Variants in FIP1L1 observed in about 807,000 individuals in gnomAD.
FIP1L1 encodes factor interacting with PAPOLA and CPSF1.
FIP1L1 carries 21 observed loss-of-function variants against 84.6 expected under a neutral mutation model. The ratio of observed to expected loss-of-function variants is 0.25; its 90% CI spans 0.18 to 0.36. The LOEUF is 0.36. Among genes scored for constraint, FIP1L1 ranks in the 10% least tolerant of loss-of-function variants. The pLI is 1.00. For synonymous variants in FIP1L1, 263 were observed against 242.3 expected (o/e 1.09, Z -0.80); for missense variants, 526 against 751.1 (o/e 0.70, Z 3.50).
chr4:53,408,824 A>C (rs939393190), intron 10 of FIP1L1, among the ~76,000 whole-genome samples: 20 of 152,040 alleles, frequency 1.3e-4, no homozygotes, highest in Admixed American at 6.5e-5. Flanking sequence ...CGTAGTTCTC[A>C]AGCCTTGGTT....
Position 53,391,304 on chromosome 4 carries a change from G to A in FIP1L1, c.637-126G>A, listed in dbSNP as rs11133269. 4,248 of 1,157,290 alleles carry A rather than the reference G, an allele frequency of 3.7e-3. 49 individuals are homozygous for A. The highest frequency in any genetic ancestry group is 0.021 in the South Asian group (1,454 of 69,164). 71.7% of individuals were successfully genotyped at this position (1,157,290 alleles called of 1,614,324 possible). A position where few individuals can be genotyped will look rare whatever the true frequency, so the allele number is the denominator to read the frequency against. On this transcript the variant is annotated intron_variant, in intron 8 of 17. Transcript: ENST00000337488. ...TCCCTTCCCTCCCTTTTAGAGTTTCGTATTTAATGATTATCTGATGTTCTT... is the reference window on the plus strand; with the variant it reads ...TCCCTTCCCTCCCTTTTAGAGTTTCATATTTAATGATTATCTGATGTTCTT...
At chr4:53,427,320 T>C (rs1483836284) in intron 12 of FIP1L1, among the ~76,000 whole-genome samples, 2 of 152,210 alleles carry the variant, frequency 1.3e-5, no homozygotes, top group African/African-American at 2.4e-5. Context: ...GGGGAGCTTA[T>C]CAAAAATCCA....
chr4:53,434,276 T>C (rs1463326149), intron 13 of FIP1L1, among the ~76,000 whole-genome samples: 2 of 152,168 alleles, frequency 1.3e-5, no homozygotes, highest in East Asian at 3.8e-4. Context: ...TTTCCTAGAA[T>C]AATTTTAAAA....
chr4:53,418,885 A>G (rs1406804209), intron 11 of FIP1L1, among the ~76,000 whole-genome samples: 2 of 152,190 alleles, frequency 1.3e-5, no homozygotes, highest in Admixed American at 6.5e-5. Flanking sequence ...TCCTCTGACT[A>G]TCTCCTTTTA....
intron 15 of FIP1L1, among the ~76,000 whole-genome samples, chr4:53,446,988 A>G (rs1329458906): frequency 6.6e-6 from 1 of 152,104 alleles, no homozygotes; most frequent in Non-Finnish European, 1.5e-5. Context: ...AAGCCTCTTT[A>G]GTAATAACAA....
In FIP1L1 at chr4:53,460,424, C is replaced by CTT. The variant is rs534891716; in HGVS notation, c.*976_*977dup. The CTT allele has an allele frequency of 4.4e-4, 83 of 189,256 alleles. 1 individual carries two copies. Among genetic ancestry groups the CTT allele is most frequent in the Non-Finnish European group, 8.6e-4 (78 of 90,450 alleles). 11.7% of individuals were successfully genotyped at this position (189,256 alleles called of 1,614,324 possible). A position where few individuals can be genotyped will look rare whatever the true frequency, so the allele number is the denominator to read the frequency against. Reference sequence around the variant, plus strand: ...TAAATAGTGATAATACAAAAGTAATCTTAATTAGTATCACATACTAAAAGA... The same window carrying CTT: ...TAAATAGTGATAATACAAAAGTAATCTTTTAATTAGTATCACATACTAAAAGA... On this transcript the variant is annotated 3_prime_UTR_variant, in exon 18 of 18. Coordinates refer to ENST00000337488, the MANE Select transcript of FIP1L1 (RefSeq NM_030917.4).
intron 3 of FIP1L1, among the ~76,000 whole-genome samples, chr4:53,380,953 A>G (rs1031950450): frequency 6.6e-6 from 1 of 152,118 alleles, no homozygotes; most frequent in African/African-American, 2.4e-5. Flanking sequence ...TTTCTAATCA[A>G]ACATTCTTTA....
intron 11 of FIP1L1, among the ~76,000 whole-genome samples, chr4:53,417,655 A>AAAG (rs1760128430): frequency 1.3e-5 from 2 of 150,248 alleles, no homozygotes; most frequent in Non-Finnish European, 3.0e-5. Context: ...AAAAAAAAAA[A>AAAG]AAAAAAAAAA....
chr4:53,385,047 C>T (rs1740192044), intron 5 of FIP1L1, among the ~76,000 whole-genome samples: 1 of 151,966 alleles, frequency 6.6e-6, no homozygotes, highest in Admixed American at 6.6e-5. Flanking sequence ...ATCCTAGCAC[C>T]TTTTTAGGGA....
intron 10 of FIP1L1, among the ~76,000 whole-genome samples, chr4:53,403,056 T>G (rs1354944515): frequency 6.6e-6 from 1 of 152,186 alleles, no homozygotes; most frequent in Admixed American, 6.5e-5. Flanking sequence ...AAGGTAGCAT[T>G]GAGTGTTTGA....
At chr4:53,437,754 C>CT (rs1770075747) in intron 13 of FIP1L1, among the ~76,000 whole-genome samples, 1 of 151,852 alleles carries the variant, frequency 6.6e-6, no homozygotes, top group South Asian at 2.1e-4. Context: ...GAGATGGAGT[C>CT]TCGCTCTGTT....
At chr4:53,437,489 G>A (rs1410055878) in intron 13 of FIP1L1, among the ~76,000 whole-genome samples, 1 of 151,930 alleles carries the variant, frequency 6.6e-6, no homozygotes. Context: ...AAATTGCTCA[G>A]CAGTGAAATT....
At chr4:53,431,134 C>T (rs1319721349) in intron 13 of FIP1L1, among the ~76,000 whole-genome samples, 7 of 152,212 alleles carry the variant, frequency 4.6e-5, no homozygotes, top group African/African-American at 1.4e-4. Context: ...GTATCCATAA[C>T]ACCAAAGATG....
intron 10 of FIP1L1, among the ~76,000 whole-genome samples, chr4:53,408,999 A>G (rs566424128): frequency 7.9e-5 from 12 of 152,326 alleles, no homozygotes; most frequent in Non-Finnish European, 1.6e-4. Flanking sequence ...TCAACTCGTC[A>G]AAGGCATTCT....
chr4:53,441,734 A>G (rs531489596), intron 13 of FIP1L1, among the ~76,000 whole-genome samples: 63 of 152,092 alleles, frequency 4.1e-4, no homozygotes, highest in African/African-American at 1.4e-3. Flanking sequence ...GTGTTTTCAC[A>G]TAACTAGAAG....
At chr4:53,403,498 A>G (rs1305155901) in intron 10 of FIP1L1, among the ~76,000 whole-genome samples, 1 of 152,202 alleles carries the variant, frequency 6.6e-6, no homozygotes, top group African/African-American at 2.4e-5. Flanking sequence ...GCCAATGAGA[A>G]ATAAGTTTCT....
chr4:53,425,060 T>TTG (rs1763798345), intron 11 of FIP1L1, among the ~76,000 whole-genome samples: 1 of 152,142 alleles, frequency 6.6e-6, no homozygotes, highest in Non-Finnish European at 1.5e-5. Context: ...AAAGGCAGTA[T>TTG]TGTTCAGAAC....
intron 6 of FIP1L1, 131 bp from the exon 7 acceptor site, chr4:53,390,390 A>G (rs574097709): frequency 3.6e-6 from 2 of 555,232 alleles, no homozygotes; most frequent in South Asian, 5.8e-5. Flanking sequence ...TAGTAAAAAG[A>G]TGTTTGTTTT....
chr4:53,385,830 G>A (rs1014214836), intron 5 of FIP1L1, among the ~76,000 whole-genome samples: 11 of 151,958 alleles, frequency 7.2e-5, no homozygotes, highest in African/African-American at 2.7e-4. Flanking sequence ...TATGCATTTC[G>A]AAAGTAAAGT....
Sources: allele counts gnomAD v4.1 joint callset (sites outside exome capture counted in the v4.1 genomes callset), GRCh38; gene constraint gnomAD v4.1.1; transcripts MANE v1.5; gene names NCBI Gene and HGNC (gene_info 2026-07-23, HGNC 2026-07-21).